The following ARHGEF26 variants were observed in gnomAD, a reference collection of about 807,000 sequenced individuals.
The protein encoded by ARHGEF26 is Rho guanine nucleotide exchange factor (GEF) 26.
Under a neutral mutation model 89.4 loss-of-function variants are expected in ARHGEF26, and 59 were observed. The observed-to-expected ratio is 0.66, with a 90% confidence interval of 0.54 to 0.82. The LOEUF is 0.82. Ranked by LOEUF, ARHGEF26 falls within the 40% of genes least tolerant of loss-of-function variation. ARHGEF26 has a pLI of 0.00. For missense variants in ARHGEF26, 1,234 were observed against 1,085.6 expected, an observed-to-expected ratio of 1.14 and a Z score of -1.92; for synonymous variants, 500 against 428.4, an observed-to-expected ratio of 1.17 and a Z score of -2.06.
intron 4 of ARHGEF26, among the ~76,000 whole-genome samples, chr3:154,145,610 T>C (rs1165275934): frequency 6.6e-6 from 1 of 152,120 alleles, no homozygotes; most frequent in African/African-American, 2.4e-5. Context: ...TCCCTAGTGG[T>C]GGGCAAAAAT....
At chr3:154,202,883 T>G (rs1190683109) in intron 9 of ARHGEF26, among the ~76,000 whole-genome samples, 1 of 152,132 alleles carries the variant, frequency 6.6e-6, no homozygotes, top group African/African-American at 2.4e-5. Flanking sequence ...GCCTATCAGC[T>G]TAAGGAGATT....
intron 12 of ARHGEF26, among the ~76,000 whole-genome samples, chr3:154,247,069 C>G: frequency 6.6e-6 from 1 of 152,138 alleles, no homozygotes; most frequent in Non-Finnish European, 1.5e-5. Flanking sequence ...CTTTCTTTAC[C>G]TCTAGTATCA....
At chr3:154,208,873 C>G (rs2108227574) in intron 9 of ARHGEF26, among the ~76,000 whole-genome samples, 1 of 148,740 alleles carries the variant, frequency 6.7e-6, no homozygotes. Flanking sequence ...TCAAGCGATT[C>G]TCATGCCTCA....
chr3:154,152,919 G>A lies in ARHGEF26; in HGVS notation c.1474G>A (p.Glu492Lys), dbSNP rs768494131. The stretch of plus-strand genomic sequence containing the variant: ...TTTCTCCAATATTACAGATGTCTGT[G>A]AGGCAAGCAAAAAGTAAGTGCACTG... ...HLFSNITDVCEASKKFFIELE... is the reference protein window; with the variant it reads ...HLFSNITDVCKASKKFFIELE... Residue 492 changes from glutamate (E) to lysine (K), a missense_variant, in exon 6 of 15, where the codon GAG becomes AAG. Physicochemically the swap from Glu to Lys is moderately conservative, Grantham distance 56. Transcript: ENST00000465093. The A allele has an allele frequency of 1.6e-5, 26 of 1,588,854 alleles. No individual in the cohort carries two copies. Among genetic ancestry groups the A allele is most frequent in the Non-Finnish European group, 2.1e-5 (25 of 1,168,994 alleles).
At chr3:154,225,782 T>C (rs1018623717) in intron 10 of ARHGEF26, 74 bp from the exon 11 acceptor site, 2 of 1,482,092 alleles carry the variant, frequency 1.3e-6, no homozygotes, top group African/African-American at 2.8e-5. Context: ...GAATGTACGT[T>C]TTAGCTTTTA....
intron 9 of ARHGEF26, among the ~76,000 whole-genome samples, chr3:154,208,476 T>C (rs892032331): frequency 2.6e-5 from 4 of 152,304 alleles, no homozygotes; most frequent in South Asian, 2.1e-4. Context: ...TGGATACTTA[T>C]ATCTTTCTCT....
chr3:154,169,353 A>T (rs1388887969), intron 6 of ARHGEF26, among the ~76,000 whole-genome samples: 1 of 152,100 alleles, frequency 6.6e-6, no homozygotes, highest in African/African-American at 2.4e-5. Flanking sequence ...GGTCATTCAC[A>T]GTCATGCAAG....
At chr3:154,208,967 G>A (rs1247131699) in intron 9 of ARHGEF26, among the ~76,000 whole-genome samples, 6 of 151,654 alleles carry the variant, frequency 4.0e-5, no homozygotes, top group Middle Eastern at 3.4e-3. Flanking sequence ...GGGTTTCACC[G>A]TGCTGGCCAG....
At chr3:154,123,172 A>C (rs1471359734) in intron 2 of ARHGEF26, 97 bp downstream of exon 2, 2 of 1,500,078 alleles carry the variant, frequency 1.3e-6, no homozygotes, top group African/African-American at 2.8e-5. Flanking sequence ...CGAAGAAGTC[A>C]TTCCGTTTTA....
At chr3:154,197,713 A>G (rs1375241721) in intron 9 of ARHGEF26, among the ~76,000 whole-genome samples, 1 of 152,180 alleles carries the variant, frequency 6.6e-6, no homozygotes, top group Non-Finnish European at 1.5e-5. Flanking sequence ...GACCTAATCA[A>G]ACAACTCAAA....
chr3:154,140,917 C>T (rs1000300580), intron 4 of ARHGEF26, among the ~76,000 whole-genome samples: 2 of 151,194 alleles, frequency 1.3e-5, no homozygotes, highest in Non-Finnish European at 2.9e-5. Context: ...GCACTTGAGA[C>T]TGTGTTAACA....
intron 9 of ARHGEF26, among the ~76,000 whole-genome samples, chr3:154,212,944 A>G (rs921288953): frequency 2.0e-5 from 3 of 152,158 alleles, no homozygotes; most frequent in Admixed American, 1.3e-4. Flanking sequence ...TACCTAAATG[A>G]TTGTGCACAT....
intron 4 of ARHGEF26, among the ~76,000 whole-genome samples, chr3:154,136,232 T>C (rs9682302): frequency 0.026 from 3,616 of 141,444 alleles, 128 homozygotes; most frequent in African/African-American, 0.094. Flanking sequence ...TAATTTTAAT[T>C]AAAATATTTT....
intron 9 of ARHGEF26, among the ~76,000 whole-genome samples, chr3:154,212,006 TG>T (rs1339856330): frequency 1.3e-5 from 2 of 152,028 alleles, no homozygotes; most frequent in Admixed American, 1.3e-4. Flanking sequence ...AGTACAGCTC[TG>T]TAAGAACGTA....
At chr3:154,167,923 A>G (rs1223832358) in intron 6 of ARHGEF26, among the ~76,000 whole-genome samples, 3 of 152,182 alleles carry the variant, frequency 2.0e-5, no homozygotes, top group Non-Finnish European at 4.4e-5. Context: ...TTGTTCTTAC[A>G]ATCTCCAGGT....
At chr3:154,254,006 C>G (rs541162789) in intron 13 of ARHGEF26, among the ~76,000 whole-genome samples, 121 of 152,312 alleles carry the variant, frequency 7.9e-4, no homozygotes, top group Non-Finnish European at 1.3e-3. Context: ...AGCTCCGTCT[C>G]CTGGGTTCAT....
chr3:154,142,758 C>T (rs547816471), intron 4 of ARHGEF26, among the ~76,000 whole-genome samples: 1 of 152,130 alleles, frequency 6.6e-6, no homozygotes, highest in Non-Finnish European at 1.5e-5. Context: ...CTTCCTTAAC[C>T]CCTTGACTCA....
At chr3:154,136,512 A>G (rs558217444) in intron 4 of ARHGEF26, among the ~76,000 whole-genome samples, 9 of 152,256 alleles carry the variant, frequency 5.9e-5, no homozygotes, top group African/African-American at 1.9e-4. Flanking sequence ...TATAAATATC[A>G]TTTCATTCCA....
chr3:154,126,258 A>G (rs543616537), intron 3 of ARHGEF26, among the ~76,000 whole-genome samples: 58 of 152,288 alleles, frequency 3.8e-4, no homozygotes, highest in African/African-American at 1.3e-3. Context: ...GGGCAGATGC[A>G]TGCTTGTTTT....
Sources: allele counts gnomAD v4.1 joint callset (sites outside exome capture counted in the v4.1 genomes callset), GRCh38; gene constraint gnomAD v4.1.1; transcripts MANE v1.5; gene names NCBI Gene and HGNC (gene_info 2026-07-23, HGNC 2026-07-21).